PLD5: variants seen among roughly 807,000 people sequenced by gnomAD.
The protein encoded by PLD5 is phospholipase D family member 5, also known as inactive phospholipase D5.
A neutral mutation model predicts 61.1 loss-of-function variants in PLD5; 36 were observed. That is an observed-to-expected ratio of 0.59 (90% confidence interval 0.45 to 0.78). The LOEUF (loss-of-function observed/expected upper bound fraction) is 0.78, where lower values mean the gene tolerates loss of function less well. Among genes scored for constraint, PLD5 ranks in the 30% least tolerant of loss-of-function variants. The probability of loss-of-function intolerance (pLI) is 0.00; values close to 1 mark genes in which losing one functional copy is unlikely to be tolerated. For synonymous variants in PLD5, 243 were observed against 242.8 expected (o/e 1.00, Z -0.01); for missense variants, 515 against 644.4 (o/e 0.80, Z 2.17).
intron 5 of PLD5, among the ~76,000 whole-genome samples, chr1:242,135,055 T>C (rs1009832885): frequency 6.6e-6 from 1 of 152,176 alleles, no homozygotes; most frequent in African/African-American, 2.4e-5. Context: ...CCTTAATCTT[T>C]TGTGTTTGTA....
intron 1 of PLD5, among the ~76,000 whole-genome samples, chr1:242,485,574 C>G (rs1404757956): frequency 1.3e-5 from 2 of 152,138 alleles, no homozygotes; most frequent in South Asian, 2.1e-4. Flanking sequence ...AGGATACAAA[C>G]AAATGGAAGA....
At chr1:242,310,752 T>C (rs1373535893) in intron 2 of PLD5, among the ~76,000 whole-genome samples, 2 of 152,208 alleles carry the variant, frequency 1.3e-5, no homozygotes, top group Non-Finnish European at 2.9e-5. Context: ...GCCAGGTATA[T>C]CTCTAGTGGA....
intron 1 of PLD5, among the ~76,000 whole-genome samples, chr1:242,455,077 G>A (rs546153792): frequency 2.0e-5 from 3 of 152,266 alleles, no homozygotes; most frequent in South Asian, 2.1e-4. Context: ...AAACGAATGT[G>A]ATCAATCAGT....
At chr1:242,517,718 C>T (rs774762032) in intron 1 of PLD5, among the ~76,000 whole-genome samples, 1 of 152,102 alleles carries the variant, frequency 6.6e-6, no homozygotes, top group African/African-American at 2.4e-5. Flanking sequence ...CAACTTTAAA[C>T]ATCTTCAGGG....
intron 1 of PLD5, among the ~76,000 whole-genome samples, chr1:242,485,580 G>C (rs61839835): frequency 0.12 from 18,304 of 152,196 alleles, 1,333 homozygotes; most frequent in Middle Eastern, 0.18. Context: ...CAAACAAATG[G>C]AAGAACATTC....
chr1:242,194,118 A>T (rs1331036975), intron 5 of PLD5, among the ~76,000 whole-genome samples: 1 of 152,142 alleles, frequency 6.6e-6, no homozygotes, highest in African/African-American at 2.4e-5. Context: ...ACAGGGGGAA[A>T]CGCAAGCTCC....
intron 1 of PLD5, among the ~76,000 whole-genome samples, chr1:242,496,695 T>G (rs1236081377): frequency 6.6e-6 from 1 of 152,202 alleles, no homozygotes; most frequent in Non-Finnish European, 1.5e-5. Flanking sequence ...TAGGGATATC[T>G]AAAGAAGCTC....
chr1:242,143,428 TTTGA>T (rs1299792794), intron 5 of PLD5, among the ~76,000 whole-genome samples: 5 of 152,090 alleles, frequency 3.3e-5, no homozygotes, highest in South Asian at 2.1e-4. Context: ...TAGCTAATAG[TTTGA>T]TTGGTGAATG....
chr1:242,436,876 C>T (rs1447531531), intron 1 of PLD5, among the ~76,000 whole-genome samples: 2 of 152,174 alleles, frequency 1.3e-5, no homozygotes, highest in African/African-American at 4.8e-5. Flanking sequence ...TATTCTAAGA[C>T]ATTTTCTAAA....
In PLD5 at chr1:242,449,094, T is replaced by C. The variant is rs59019086; in HGVS notation, c.189+74994A>G. ...TTTACATCTGAGGTCACCGTAGGAC[T>C]GTCCTTCCCTGGCAGAGCCCAGCGA... On this transcript the variant is annotated intron_variant, in intron 1 of 9. Coordinates refer to ENST00000536534, the MANE Select transcript of PLD5 (RefSeq NM_001372062.1). Among the ~76,000 whole-genome samples, 953 of 152,364 alleles carry C rather than the reference T, an allele frequency of 6.3e-3. 9 individuals are homozygous for C. Among genetic ancestry groups the C allele is most frequent in the African/African-American group, 0.022 (903 of 41,586 alleles).
intron 2 of PLD5, among the ~76,000 whole-genome samples, chr1:242,312,160 C>T (rs1676733221): frequency 6.6e-6 from 1 of 151,408 alleles, no homozygotes; most frequent in Non-Finnish European, 1.5e-5. Flanking sequence ...GTTTTAAAGT[C>T]TTTGTCTAGT....
At chr1:242,147,574 C>T (rs1664627182) in intron 5 of PLD5, 1 of 152,146 alleles carries the variant, frequency 6.6e-6, no homozygotes, top group Non-Finnish European at 1.5e-5. Context: ...TGTTTAACTT[C>T]TTAAGAATTT....
chr1:242,485,888 C>T (rs958901327), intron 1 of PLD5, among the ~76,000 whole-genome samples: 1 of 151,926 alleles, frequency 6.6e-6, no homozygotes, highest in African/African-American at 2.4e-5. Context: ...TAGAACAGAA[C>T]AGAGACCTCA....
intron 1 of PLD5, among the ~76,000 whole-genome samples, chr1:242,460,015 C>G (rs1230287816): frequency 6.6e-6 from 1 of 152,158 alleles, no homozygotes; most frequent in Non-Finnish European, 1.5e-5. Flanking sequence ...TTGTAACCAG[C>G]TTTTGTTGCA....
chr1:242,147,732 T>C (rs1171722660), intron 5 of PLD5, among the ~76,000 whole-genome samples: 1 of 152,248 alleles, frequency 6.6e-6, no homozygotes, highest in Non-Finnish European at 1.5e-5. Context: ...TGTGCATTGG[T>C]GCCACATTGT....
At chr1:242,247,716 G>C (rs1672471853) in intron 4 of PLD5, among the ~76,000 whole-genome samples, 1 of 152,196 alleles carries the variant, frequency 6.6e-6, no homozygotes, top group African/African-American at 2.4e-5. Flanking sequence ...CGTTCAGCAG[G>C]CTGGGGGGCT....
At chr1:242,129,479 C>A (rs1259716363) in intron 5 of PLD5, among the ~76,000 whole-genome samples, 1 of 152,144 alleles carries the variant, frequency 6.6e-6, no homozygotes, top group East Asian at 1.9e-4. Context: ...TTTTGTTTTG[C>A]AGCTTTTTCG....
intron 2 of PLD5, among the ~76,000 whole-genome samples, chr1:242,292,196 T>C (rs1675407106): frequency 6.6e-6 from 1 of 152,086 alleles, no homozygotes; most frequent in African/African-American, 2.4e-5. Context: ...CGCGGATAAA[T>C]AATCCCAGAT....
At chr1:242,203,149 C>G (rs991193928) in intron 5 of PLD5, among the ~76,000 whole-genome samples, 1 of 152,102 alleles carries the variant, frequency 6.6e-6, no homozygotes, top group African/African-American at 2.4e-5. Flanking sequence ...TTTGCCTACC[C>G]GCCCCCGCCA....
Sources: allele counts gnomAD v4.1 joint callset (sites outside exome capture counted in the v4.1 genomes callset), GRCh38; gene constraint gnomAD v4.1.1; transcripts MANE v1.5; gene names NCBI Gene and HGNC (gene_info 2026-07-23, HGNC 2026-07-21).